Variants in FHIT observed in about 807,000 individuals in gnomAD.
The protein encoded by FHIT is fragile histidine triad diadenosine triphosphatase, also known as bis(5'-adenosyl)-triphosphatase.
Under a neutral mutation model 17.9 loss-of-function variants are expected in FHIT, and 19 were observed. The ratio of observed to expected loss-of-function variants is 1.06; its 90% CI spans 0.74 to 1.56. FHIT has a LOEUF of 1.56. Ranked by LOEUF, FHIT falls within the 40% of genes most tolerant of loss-of-function variation. FHIT has a pLI of 0.00. For missense variants in FHIT, 248 were observed against 189.2 expected, an observed-to-expected ratio of 1.31 and a Z score of -1.82; for synonymous variants, 81 against 69.7, an observed-to-expected ratio of 1.16 and a Z score of -0.81.
chr3:59,752,666 A>T (rs1325071760), intron 8 of FHIT, among the ~76,000 whole-genome samples: 8 of 152,086 alleles, frequency 5.3e-5, no homozygotes, highest in Admixed American at 5.2e-4. Context: ...AGAATTCCCC[A>T]TTGGTGCTGT....
intron 5 of FHIT, among the ~76,000 whole-genome samples, chr3:60,374,125 T>C (rs1275476929): frequency 1.7e-4 from 26 of 152,190 alleles, no homozygotes; most frequent in Admixed American, 1.7e-3. Flanking sequence ...CATTTGACCT[T>C]GTCAGATGCT....
intron 5 of FHIT, among the ~76,000 whole-genome samples, chr3:60,535,104 G>C (rs1027772606): frequency 2.0e-5 from 3 of 152,114 alleles, no homozygotes; most frequent in Non-Finnish European, 4.4e-5. Context: ...CCTGCCTGTG[G>C]TCCCAGCTAC....
intron 5 of FHIT, among the ~76,000 whole-genome samples, chr3:60,281,407 G>C (rs553908912): frequency 6.6e-6 from 1 of 152,104 alleles, no homozygotes; most frequent in South Asian, 2.1e-4. Context: ...AAAGTTGAAG[G>C]AGTGATACTA....
intron 5 of FHIT, among the ~76,000 whole-genome samples, chr3:60,507,436 T>C (rs1409928988): frequency 6.6e-6 from 1 of 152,218 alleles, no homozygotes; most frequent in Non-Finnish European, 1.5e-5. Context: ...AGGGTCTTTA[T>C]CCTATGTACG....
At position 60,218,506 on chromosome 3, in the gene FHIT, C is replaced by A. The variant is rs1316981850; in HGVS notation, c.104-204354G>T. Among the ~76,000 whole-genome samples the A allele has an allele frequency of 2.6e-5, 4 of 152,182 alleles. No individual in the cohort carries two copies. In the East Asian group the frequency reaches 7.7e-4, roughly 29 times the overall value. On this transcript the variant is annotated intron_variant, in intron 5 of 9. Coordinates refer to ENST00000492590, the MANE Select transcript of FHIT (RefSeq NM_002012.4). ...GAACAATTTTTTCTTTGAAAGCATT[C>A]TAACAAATGTTATCTTTAATAACAA...
At chr3:60,247,879 A>C (rs1705483940) in intron 5 of FHIT, among the ~76,000 whole-genome samples, 1 of 152,292 alleles carries the variant, frequency 6.6e-6, no homozygotes, top group African/African-American at 2.4e-5. Flanking sequence ...GTAAAGACTT[A>C]AGAAATGTTA....
chr3:59,938,038 C>T (rs546900749), intron 7 of FHIT, among the ~76,000 whole-genome samples: 2 of 152,246 alleles, frequency 1.3e-5, no homozygotes, highest in Admixed American at 6.5e-5. Flanking sequence ...AAGGGTTCTA[C>T]CCAGATGTGC....
chr3:60,412,727 C>T (rs1023750867), intron 5 of FHIT, among the ~76,000 whole-genome samples: 3 of 152,108 alleles, frequency 2.0e-5, no homozygotes, highest in African/African-American at 4.8e-5. Flanking sequence ...TGTGTCCCCA[C>T]CTAAATCTCA....
At position 60,362,074 on chromosome 3, in the gene FHIT, T is replaced by TAA. The variant is rs200403965; in HGVS notation, c.103+174784_103+174785dup. ...AATCTCAGTGTTTAATACTGAGATT[T>TAA]AAAAAAAAATAATTTTATTGTGTGC... On this transcript the variant is annotated intron_variant, in intron 5 of 9. Transcript: ENST00000492590. Among the ~76,000 whole-genome samples, 851 of 151,626 alleles carry TAA rather than the reference T, an allele frequency of 5.6e-3. 6 individuals are homozygous for TAA. The highest frequency in any genetic ancestry group is 0.021 in the South Asian group (103 of 4,792).
At chr3:60,073,104 G>C (rs983672797) in intron 5 of FHIT, among the ~76,000 whole-genome samples, 3 of 152,142 alleles carry the variant, frequency 2.0e-5, no homozygotes, top group African/African-American at 7.2e-5. Flanking sequence ...TGAGTAATTA[G>C]AAAATTAAAC....
At chr3:60,239,505 C>T (rs1391375891) in intron 5 of FHIT, among the ~76,000 whole-genome samples, 1 of 152,164 alleles carries the variant, frequency 6.6e-6, no homozygotes, top group African/African-American at 2.4e-5. Context: ...CTCAAGGCTG[C>T]AGTGAACCAT....
chr3:59,903,932 C>A (rs1704454851), intron 8 of FHIT, among the ~76,000 whole-genome samples: 1 of 152,124 alleles, frequency 6.6e-6, no homozygotes, highest in African/African-American at 2.4e-5. Context: ...TTAAGGAAAG[C>A]CATCCTGCCA....
chr3:59,945,189 T>C lies in FHIT; in HGVS notation c.280-22775A>G, dbSNP rs529831040. ...TCCACAACCTCACCACTACCTGCTATTTTTTGACTTGTTAGTAATAGCCAT... is the reference window on the plus strand; with the variant it reads ...TCCACAACCTCACCACTACCTGCTACTTTTTGACTTGTTAGTAATAGCCAT... On this transcript the variant is annotated intron_variant, in intron 7 of 9. Coordinates refer to ENST00000492590, the MANE Select transcript of FHIT (RefSeq NM_002012.4). 3.9e-5 allele frequency among the ~76,000 whole-genome samples: 6 copies of C among 152,226 alleles called. No homozygotes were observed. In the South Asian group the frequency reaches 1.0e-3, roughly 26 times the overall value.
intron 2 of FHIT, among the ~76,000 whole-genome samples, chr3:61,199,781 A>G (rs1283896569): frequency 6.6e-6 from 1 of 152,188 alleles, no homozygotes; most frequent in East Asian, 1.9e-4. Context: ...AGTATCAAAA[A>G]TGTAATTTAT....
intron 4 of FHIT, among the ~76,000 whole-genome samples, chr3:60,636,126 G>A (rs576807079): frequency 4.9e-4 from 75 of 151,692 alleles, no homozygotes; most frequent in Non-Finnish European, 8.8e-4. Context: ...GTGCAGTGGC[G>A]CCATCTCAAT....
intron 5 of FHIT, among the ~76,000 whole-genome samples, chr3:60,334,423 T>C (rs1465022224): frequency 6.6e-6 from 1 of 152,172 alleles, no homozygotes; most frequent in African/African-American, 2.4e-5. Flanking sequence ...ATGAGGATGT[T>C]TAAACAATCC....
intron 4 of FHIT, among the ~76,000 whole-genome samples, chr3:60,692,998 T>C (rs1192108021): frequency 2.6e-5 from 4 of 152,210 alleles, no homozygotes; most frequent in African/African-American, 4.8e-5. Context: ...CCTGTTGAAA[T>C]TGTTCATTCT....
In FHIT at chr3:60,613,668, CT is replaced by C. The variant is rs1247609570; in HGVS notation, c.-17-76690del. Among the ~76,000 whole-genome samples, 25 of 152,014 alleles carry C rather than the reference CT, an allele frequency of 1.6e-4. No individual in the cohort carries two copies. In the South Asian group the frequency reaches 4.0e-3, roughly 24 times the overall value. ...CCTTTTCTTTAACTTCCATTTCTTT[CT>C]TTTTCAGTCATTCCTACATTTCCCT... On this transcript the variant is annotated intron_variant, in intron 4 of 9. Transcript: ENST00000492590.
Position 60,442,630 on chromosome 3 carries a change from A to C in FHIT, c.103+94230T>G, listed in dbSNP as rs992475723. ...GGGCTCTGTCCTGTCCCATTGGTCT[A>C]TATCTCTGTTTTGGTAACAGTACCA... On this transcript the variant is annotated intron_variant, in intron 5 of 9. Coordinates refer to ENST00000492590, the MANE Select transcript of FHIT (RefSeq NM_002012.4). Among the ~76,000 whole-genome samples, 4 of 152,170 alleles carry C rather than the reference A, an allele frequency of 2.6e-5. 1 individual carries two copies. Among genetic ancestry groups the C allele is most frequent in the Admixed American group, 6.5e-5 (1 of 15,270 alleles).
Sources: allele counts gnomAD v4.1 joint callset (sites outside exome capture counted in the v4.1 genomes callset), GRCh38; gene constraint gnomAD v4.1.1; transcripts MANE v1.5; gene names NCBI Gene and HGNC (gene_info 2026-07-23, HGNC 2026-07-21).